The following WWTR1 variants were observed in gnomAD, a reference collection of about 807,000 sequenced individuals.
WWTR1 encodes WW domain-containing transcription regulator protein 1.
WWTR1 carries 13 observed loss-of-function variants against 40.1 expected under a neutral mutation model. That is an observed-to-expected ratio of 0.32 (90% CI 0.21 to 0.52). The LOEUF is 0.52. Among genes scored for constraint, WWTR1 ranks in the 20% least tolerant of loss-of-function variants. WWTR1 has a pLI of 0.97. For synonymous variants in WWTR1, 230 were observed against 210.1 expected, an observed-to-expected ratio of 1.09 and a Z score of -0.82; for missense variants, 436 against 523.1, an observed-to-expected ratio of 0.83 and a Z score of 1.63.
chr3:149,622,502 GAAGA>G (rs60148340), intron 2 of WWTR1, among the ~76,000 whole-genome samples: 75 of 46,324 alleles, frequency 1.6e-3, no homozygotes, highest in African/African-American at 3.1e-3. Flanking sequence ...AGGAAGGAAG[GAAGA>G]AAGAAAGAAA....
chr3:149,535,511 C>T (rs1482299963), intron 4 of WWTR1, among the ~76,000 whole-genome samples: 1 of 152,078 alleles, frequency 6.6e-6, no homozygotes, highest in African/African-American at 2.4e-5. Flanking sequence ...CAGACTGTCC[C>T]TACAAAAGAA....
intron 2 of WWTR1, among the ~76,000 whole-genome samples, chr3:149,592,335 T>C (rs1738768499): frequency 6.6e-6 from 1 of 152,332 alleles, no homozygotes; most frequent in South Asian, 2.1e-4. Context: ...ATACTATTTA[T>C]GGTATTTATT....
chr3:149,590,321 C>T (rs935602434), intron 2 of WWTR1, among the ~76,000 whole-genome samples: 1 of 152,096 alleles, frequency 6.6e-6, no homozygotes, highest in African/African-American at 2.4e-5. Flanking sequence ...TTAACTTGAT[C>T]ATTACATAAC....
chr3:149,568,334 CAAGTCTA>C (rs1444942958), intron 3 of WWTR1, among the ~76,000 whole-genome samples: 1 of 146,562 alleles, frequency 6.8e-6, no homozygotes, highest in Non-Finnish European at 1.5e-5. Flanking sequence ...TGCAGTGAGC[CAAGTCTA>C]AAGTCCCCCA....
intron 1 of WWTR1, chr3:149,702,268 T>C (rs1275741186): frequency 2.6e-5 from 4 of 152,228 alleles, no homozygotes; most frequent in African/African-American, 9.7e-5. Context: ...ATGTATGAAA[T>C]GTGCCCTACA....
intron 1 of WWTR1, among the ~76,000 whole-genome samples, chr3:149,685,387 A>G (rs1714611740): frequency 6.6e-6 from 1 of 152,222 alleles, no homozygotes; most frequent in African/African-American, 2.4e-5. Context: ...AGCAGAAATG[A>G]CAGACCATAT....
chr3:149,581,702 G>A (rs903030768), intron 2 of WWTR1, among the ~76,000 whole-genome samples: 1 of 152,150 alleles, frequency 6.6e-6, no homozygotes, highest in African/African-American at 2.4e-5. Flanking sequence ...TAACTACCAG[G>A]CTCTAATCCT....
At chr3:149,523,419 T>G (rs61523912) in intron 6 of WWTR1, among the ~76,000 whole-genome samples, 10,527 of 152,254 alleles carry the variant, frequency 0.069, 450 homozygotes, top group Admixed American at 0.097. Flanking sequence ...CAGCTAATTT[T>G]GTATTCTTAG....
chr3:149,697,311 C>T (rs1715026391), intron 1 of WWTR1, among the ~76,000 whole-genome samples: 1 of 147,064 alleles, frequency 6.8e-6, no homozygotes, highest in Admixed American at 6.9e-5. Flanking sequence ...GGAAAGGTGC[C>T]ACAGTCTTTT....
At chr3:149,568,992 T>G (rs1432970988) in intron 3 of WWTR1, among the ~76,000 whole-genome samples, 2 of 152,312 alleles carry the variant, frequency 1.3e-5, no homozygotes, top group East Asian at 3.9e-4. Flanking sequence ...GGTCTCGATC[T>G]CCTGACCTCG....
At position 149,518,191 on chromosome 3, in the gene WWTR1, G is replaced by GA. The variant is rs774787868; in HGVS notation, c.*2613dup. 1.3e-5 allele frequency: 2 copies of GA among 151,820 alleles called. No individual in the cohort carries two copies. Among genetic ancestry groups the GA allele is most frequent in the Non-Finnish European group, 2.9e-5 (2 of 67,972 alleles). The allele number at this position is 151,820 out of a possible 1,614,324, so 9.4% of individuals were successfully genotyped here. A position where few individuals can be genotyped will look rare whatever the true frequency, so the allele number is the denominator to read the frequency against. On this transcript the variant is annotated 3_prime_UTR_variant, in exon 7 of 7. Transcript: ENST00000360632. ...ACACAAAGGGTCCATATTTTATTCT[G>GA]AAAAAATATTTATTATATTCATTCA...
intron 1 of WWTR1, among the ~76,000 whole-genome samples, chr3:149,699,966 A>G (rs1338396097): frequency 6.6e-6 from 1 of 152,160 alleles, no homozygotes. Flanking sequence ...TCGCATTACT[A>G]TAAAGGTATA....
At chr3:149,720,691 C>G (rs1029908119) in intron 4 of WWTR1, among the ~76,000 whole-genome samples, 3 of 151,944 alleles carry the variant, frequency 2.0e-5, no homozygotes, top group Middle Eastern at 3.4e-3. Context: ...CACACTAAAT[C>G]TGTAGATCAC....
chr3:149,640,010 A>AAAGAAAGAAAGAAAG (rs1311464193), intron 2 of WWTR1, among the ~76,000 whole-genome samples: 22 of 140,334 alleles, frequency 1.6e-4, no homozygotes, highest in African/African-American at 6.5e-4. Context: ...AAAAAAAAAA[A>AAAGAAAGAAAGAAAG]AAAGAAAGAA....
intron 2 of WWTR1, among the ~76,000 whole-genome samples, chr3:149,579,711 G>A (rs1457223120): frequency 6.6e-6 from 1 of 152,202 alleles, no homozygotes; most frequent in East Asian, 1.9e-4. Context: ...TTAAGTATAA[G>A]CAAACTGTCT....
At chr3:149,530,927 C>T (rs1275740003) in intron 4 of WWTR1, among the ~76,000 whole-genome samples, 1 of 151,508 alleles carries the variant, frequency 6.6e-6, no homozygotes, top group African/African-American at 2.4e-5. Flanking sequence ...TGAATGTACC[C>T]GGAATGATTG....
intron 2 of WWTR1, among the ~76,000 whole-genome samples, chr3:149,651,485 C>G (rs192961156): frequency 6.6e-6 from 1 of 151,962 alleles, no homozygotes; most frequent in African/African-American, 2.4e-5. Context: ...AAAGAAGACT[C>G]GATAGGTTAG....
At chr3:149,579,870 G>C (rs1738061137) in intron 2 of WWTR1, among the ~76,000 whole-genome samples, 1 of 152,162 alleles carries the variant, frequency 6.6e-6, no homozygotes, top group African/African-American at 2.4e-5. Context: ...TTGTGACTCA[G>C]TCCAATTAGA....
At chr3:149,556,629 T>A (rs1736839210) in intron 3 of WWTR1, among the ~76,000 whole-genome samples, 1 of 152,034 alleles carries the variant, frequency 6.6e-6, no homozygotes, top group African/African-American at 2.4e-5. Flanking sequence ...CTCCTTGGGA[T>A]CAATGCCTCT....
Sources: allele counts gnomAD v4.1 joint callset (sites outside exome capture counted in the v4.1 genomes callset), GRCh38; gene constraint gnomAD v4.1.1; transcripts MANE v1.5; gene names NCBI Gene and HGNC (gene_info 2026-07-23, HGNC 2026-07-21).